Variants in IMPG1 observed in about 807,000 individuals in gnomAD.
IMPG1 encodes interphotoreceptor matrix proteoglycan 1.
Under a neutral mutation model 92.0 loss-of-function variants are expected in IMPG1, and 85 were observed. The ratio of observed to expected loss-of-function variants is 0.92; its 90% CI spans 0.78 to 1.11. The LOEUF (loss-of-function observed/expected upper bound fraction) is 1.11, where lower values mean the gene tolerates loss of function less well. Ranked by LOEUF, IMPG1 falls within the 50% of genes least tolerant of loss-of-function variation. The pLI is 0.00. For synonymous variants in IMPG1, 367 were observed against 334.1 expected, an observed-to-expected ratio of 1.10 and a Z score of -1.08; for missense variants, 1,022 against 956.0, an observed-to-expected ratio of 1.07 and a Z score of -0.91.
chr6:76,057,447 A>G (rs76429106), intron 1 of IMPG1, among the ~76,000 whole-genome samples: 3,951 of 152,226 alleles, frequency 0.026, 147 homozygotes, highest in African/African-American at 0.087. Flanking sequence ...GTGAGGTGTG[A>G]TTATATAGTA....
chr6:76,052,537 C>T (rs1380120252), intron 1 of IMPG1, among the ~76,000 whole-genome samples: 1 of 152,134 alleles, frequency 6.6e-6, no homozygotes, highest in East Asian at 1.9e-4. Flanking sequence ...GGGGGAATGC[C>T]TTTGCCTCTC....
rs1363510100 is a variant in IMPG1 at position 75,978,904 on chromosome 6, G to C, written c.1291+24014C>G. Among the ~76,000 whole-genome samples the C allele has an allele frequency of 7.2e-5, 11 of 152,024 alleles. No individual in the cohort carries two copies. In the East Asian group the frequency reaches 1.9e-3, roughly 27 times the overall value. Reference sequence around the variant, plus strand: ...AGATAGACAAACTGTGGCATAGAAAGATAAACACTTTTTTGGGGGGTGGGG... The same window carrying C: ...AGATAGACAAACTGTGGCATAGAAACATAAACACTTTTTTGGGGGGTGGGG... On this transcript the variant is annotated intron_variant, in intron 12 of 16. Coordinates refer to ENST00000369950, the MANE Select transcript of IMPG1 (RefSeq NM_001563.4).
chr6:76,051,342 G>C (rs1291983553), intron 1 of IMPG1, among the ~76,000 whole-genome samples: 1 of 152,136 alleles, frequency 6.6e-6, no homozygotes, highest in African/African-American at 2.4e-5. Flanking sequence ...AAATTATGCA[G>C]GTTTTCTGAA....
intron 12 of IMPG1, among the ~76,000 whole-genome samples, chr6:75,966,171 T>G (rs1170618692): frequency 1.3e-5 from 2 of 152,208 alleles, no homozygotes; most frequent in African/African-American, 2.4e-5. Context: ...ATCAGGGTAT[T>G]TAGATACACT....
At chr6:76,017,902 A>G (rs928993619) in intron 7 of IMPG1, among the ~76,000 whole-genome samples, 5 of 151,870 alleles carry the variant, frequency 3.3e-5, no homozygotes, top group Admixed American at 6.6e-5. Context: ...ACAGGCGCCC[A>G]CCACCACACC....
At chr6:76,036,243 C>T (rs1259576254) in intron 2 of IMPG1, among the ~76,000 whole-genome samples, 2 of 152,110 alleles carry the variant, frequency 1.3e-5, no homozygotes, top group African/African-American at 2.4e-5. Context: ...ATATAAATAA[C>T]GACTAATTGT....
intron 1 of IMPG1, among the ~76,000 whole-genome samples, chr6:76,071,372 A>T (rs1332303042): frequency 1.3e-5 from 2 of 150,658 alleles, no homozygotes; most frequent in African/African-American, 4.8e-5. Context: ...AAATCTCATT[A>T]TTTATTTCTA....
intron 15 of IMPG1, among the ~76,000 whole-genome samples, chr6:75,925,673 G>GTT (rs1781537933): frequency 6.6e-6 from 1 of 151,620 alleles, no homozygotes; most frequent in Admixed American, 6.6e-5. Flanking sequence ...TTTTTTATTT[G>GTT]TTTGTTTGTT....
At chr6:76,052,284 G>A (rs190619909) in intron 1 of IMPG1, among the ~76,000 whole-genome samples, 25 of 152,270 alleles carry the variant, frequency 1.6e-4, no homozygotes, top group Non-Finnish European at 3.2e-4. Flanking sequence ...CTCATCATCC[G>A]TCTTAGTAGG....
intron 12 of IMPG1, among the ~76,000 whole-genome samples, chr6:75,966,914 A>T (rs1298314753): frequency 6.6e-6 from 1 of 152,236 alleles, no homozygotes; most frequent in Non-Finnish European, 1.5e-5. Context: ...ATGATGGCTC[A>T]TGCTTGTAAT....
intron 14 of IMPG1, among the ~76,000 whole-genome samples, chr6:75,935,682 A>G (rs1781733781): frequency 6.6e-6 from 1 of 152,212 alleles, no homozygotes; most frequent in East Asian, 1.9e-4. Flanking sequence ...AATCTGCAGG[A>G]GGCACAGCCT....
intron 12 of IMPG1, among the ~76,000 whole-genome samples, chr6:75,971,512 T>C (rs1782416077): frequency 1.3e-5 from 2 of 152,200 alleles, no homozygotes; most frequent in South Asian, 4.1e-4. Context: ...GAGAAGTGAT[T>C]TTCTGAAATG....
chr6:75,995,707 T>G (rs1782887337), intron 12 of IMPG1, among the ~76,000 whole-genome samples: 1 of 152,228 alleles, frequency 6.6e-6, no homozygotes, highest in Admixed American at 6.5e-5. Flanking sequence ...ATATTCCACA[T>G]TGTTTTTAGA....
chr6:75,987,318 A>G (rs1782733411), intron 12 of IMPG1, among the ~76,000 whole-genome samples: 1 of 146,024 alleles, frequency 6.8e-6, no homozygotes, highest in Non-Finnish European at 1.5e-5. Context: ...TTTTTTTTTA[A>G]TTATACTTTA....
intron 12 of IMPG1, among the ~76,000 whole-genome samples, chr6:75,989,994 A>G (rs997048000): frequency 1.3e-5 from 2 of 152,208 alleles, no homozygotes; most frequent in East Asian, 3.9e-4. Context: ...TTATGTTGTT[A>G]CCTTAAATAT....
At chr6:75,982,198 A>G (rs1782637877) in intron 12 of IMPG1, among the ~76,000 whole-genome samples, 1 of 152,208 alleles carries the variant, frequency 6.6e-6, no homozygotes, top group South Asian at 2.1e-4. Flanking sequence ...GCATTCTGCA[A>G]AGCCTGAATG....
intron 12 of IMPG1, among the ~76,000 whole-genome samples, chr6:76,001,464 G>C (rs373115001): frequency 6.6e-5 from 10 of 152,220 alleles, no homozygotes; most frequent in African/African-American, 2.4e-4. Context: ...AATCTAGATG[G>C]GCTCTGCAGC....
chr6:75,936,932 T>G (rs2149452422), intron 14 of IMPG1, among the ~76,000 whole-genome samples: 1 of 152,170 alleles, frequency 6.6e-6, no homozygotes, highest in African/African-American at 2.4e-5. Flanking sequence ...CATGCAGTGG[T>G]TGGGGTGTGG....
intron 9 of IMPG1, among the ~76,000 whole-genome samples, chr6:76,007,070 A>G (rs1783111043): frequency 6.6e-6 from 1 of 152,194 alleles, no homozygotes; most frequent in South Asian, 2.1e-4. Flanking sequence ...TTGACCTTGG[A>G]AAGGAGCAAA....
Sources: allele counts gnomAD v4.1 joint callset (sites outside exome capture counted in the v4.1 genomes callset), GRCh38; gene constraint gnomAD v4.1.1; transcripts MANE v1.5; gene names NCBI Gene and HGNC (gene_info 2026-07-23, HGNC 2026-07-21).